ANO2: variants seen among roughly 807,000 people sequenced by gnomAD.
ANO2 encodes anoctamin 2.
ANO2 carries 101 observed loss-of-function variants against 124.2 expected under a neutral mutation model. The ratio of observed to expected loss-of-function variants is 0.81; its 90% CI spans 0.69 to 0.96. The LOEUF (loss-of-function observed/expected upper bound fraction) is 0.96. Among genes scored for constraint, ANO2 ranks in the 40% least tolerant of loss-of-function variants. The probability of loss-of-function intolerance (pLI) is 0.00; values close to 1 mark genes in which losing one functional copy is unlikely to be tolerated. For synonymous variants in ANO2, 486 were observed against 482.5 expected (o/e 1.01, Z -0.09); for missense variants, 1,293 against 1,274.5 (o/e 1.01, Z -0.22).
intron 10 of ANO2, among the ~76,000 whole-genome samples, chr12:5,764,299 G>A (rs1393840787): frequency 3.3e-5 from 5 of 152,208 alleles, no homozygotes; most frequent in Non-Finnish European, 7.3e-5. Flanking sequence ...TGTCAATACA[G>A]TAATAGCAGC....
At chr12:5,737,691 C>T (rs1473752757) in intron 13 of ANO2, among the ~76,000 whole-genome samples, 1 of 152,154 alleles carries the variant, frequency 6.6e-6, no homozygotes, top group Non-Finnish European at 1.5e-5. Flanking sequence ...CTCTGTCTCT[C>T]TCATATATAT....
intron 1 of ANO2, among the ~76,000 whole-genome samples, chr12:5,928,589 T>G (rs1282349521): frequency 6.7e-6 from 1 of 150,164 alleles, no homozygotes; most frequent in Non-Finnish European, 1.5e-5. Flanking sequence ...CCTTCCTTAC[T>G]AGTCTATCTT....
At chr12:5,799,672 C>T in intron 9 of ANO2, 101 bp from the exon 10 acceptor site, 1 of 1,075,320 alleles carries the variant, frequency 9.3e-7, no homozygotes, top group Non-Finnish European at 1.4e-6. Flanking sequence ...CAAAGTCCAG[C>T]TTCTAAGAAA....
chr12:5,790,523 T>C (rs1246280074), intron 10 of ANO2, among the ~76,000 whole-genome samples: 1 of 152,142 alleles, frequency 6.6e-6, no homozygotes, highest in East Asian at 1.9e-4. Context: ...CCCAACTATA[T>C]TTCTTCTCTC....
At chr12:5,820,554 CCT>C (rs996242898) in intron 7 of ANO2, among the ~76,000 whole-genome samples, 15 of 152,178 alleles carry the variant, frequency 9.9e-5, no homozygotes, top group African/African-American at 3.6e-4. Context: ...ACATCGGCTC[CCT>C]GACTGGTAGG....
chr12:5,854,073 T>C lies in ANO2; in HGVS notation c.603A>G (p.Glu201=). 6.2e-7 allele frequency: 1 copy of C among 1,613,492 alleles called. No homozygotes were observed. Among genetic ancestry groups the C allele is most frequent in the Non-Finnish European group, 8.5e-7 (1 of 1,179,594 alleles). The change falls in exon 4 of 25, where the codon GAA becomes GAG. Residue 201 remains glutamate, a synonymous_variant. Coordinates refer to ENST00000682330, the MANE Select transcript of ANO2 (RefSeq NM_001364791.2). Reference sequence around the variant, plus strand: ...TGGTAGGAACTTTGATCTTCAAGAATTCTGCCTCTCTGGCCAGCACCTGCC... The same window carrying C: ...TGGTAGGAACTTTGATCTTCAAGAACTCTGCCTCTCTGGCCAGCACCTGCC... ...APWQVLAREA[E]FLKIKVPTKK...
intron 14 of ANO2, among the ~76,000 whole-genome samples, chr12:5,695,669 C>T (rs912937659): frequency 2.0e-5 from 3 of 152,018 alleles, no homozygotes; most frequent in Non-Finnish European, 2.9e-5. Context: ...GGCAAAACCC[C>T]ATCTCTACTA....
chr12:5,628,548 T>C (rs1945528426), intron 16 of ANO2, among the ~76,000 whole-genome samples: 1 of 152,216 alleles, frequency 6.6e-6, no homozygotes, highest in Non-Finnish European at 1.5e-5. Flanking sequence ...GTGTCTTCAG[T>C]CTTCCTGTCT....
intron 4 of ANO2, among the ~76,000 whole-genome samples, chr12:5,837,896 A>G (rs1401805368): frequency 6.6e-6 from 1 of 151,850 alleles, no homozygotes; most frequent in Non-Finnish European, 1.5e-5. Context: ...GACACAAAAA[A>G]CCCTTCAAAA....
intron 19 of ANO2, among the ~76,000 whole-genome samples, chr12:5,603,394 T>C (rs1218535300): frequency 6.6e-6 from 1 of 152,190 alleles, no homozygotes; most frequent in Non-Finnish European, 1.5e-5. Flanking sequence ...TAACCTGGCC[T>C]AAGGCAGCGA....
At chr12:5,864,340 G>A (rs980651990) in intron 3 of ANO2, among the ~76,000 whole-genome samples, 7 of 152,254 alleles carry the variant, frequency 4.6e-5, no homozygotes, top group African/African-American at 1.7e-4. Context: ...GATGTTGGCA[G>A]AAAGAACAGG....
intron 15 of ANO2, among the ~76,000 whole-genome samples, chr12:5,639,295 G>A (rs1258629819): frequency 1.3e-5 from 2 of 152,096 alleles, no homozygotes; most frequent in Non-Finnish European, 1.5e-5. Flanking sequence ...GACATAGTAC[G>A]CTGCCTATGA....
At chr12:5,851,229 G>A (rs551798120) in intron 4 of ANO2, among the ~76,000 whole-genome samples, 3 of 152,222 alleles carry the variant, frequency 2.0e-5, no homozygotes, top group African/African-American at 7.2e-5. Context: ...AATGTATAGG[G>A]GCACTGAAAC....
At chr12:5,788,643 C>G (rs1952610049) in intron 10 of ANO2, among the ~76,000 whole-genome samples, 1 of 152,230 alleles carries the variant, frequency 6.6e-6, no homozygotes, top group South Asian at 2.1e-4. Flanking sequence ...ACTGCAACCT[C>G]TGCCTCCAGG....
In ANO2 at chr12:5,610,723, C is replaced by CATATATACATATATATATATATAT. The variant is rs1555100504; in HGVS notation, c.2087+1932_2087+1933insATATATATATATATATGTATATAT. On this transcript the variant is annotated intron_variant, in intron 19 of 24. Transcript: ENST00000682330. ...ATACATGTATGTGTACACATATATA[C>CATATATACATATATATATATATAT]ATATATATATATATATATATGAAAA... 4.5e-3 allele frequency among the ~76,000 whole-genome samples: 529 copies of CATATATACATATATATATATATAT among 116,848 alleles called. 21 individuals carry two copies. Among genetic ancestry groups the CATATATACATATATATATATATAT allele is most frequent in the South Asian group, 0.03 (119 of 3,936 alleles). The allele number at this position is 116,848 out of a possible 152,430, so 76.7% of individuals were successfully genotyped here.
intron 10 of ANO2, among the ~76,000 whole-genome samples, chr12:5,775,513 G>A (rs1467793486): frequency 6.7e-6 from 1 of 148,360 alleles, no homozygotes; most frequent in Non-Finnish European, 1.5e-5. Context: ...CCAGGCTGGA[G>A]TGCAGTGGCG....
At chr12:5,577,432 A>G (rs1942475704) in intron 22 of ANO2, among the ~76,000 whole-genome samples, 1 of 152,240 alleles carries the variant, frequency 6.6e-6, no homozygotes, top group Non-Finnish European at 1.5e-5. Flanking sequence ...TGCAGTGTAG[A>G]CATATCTGGC....
chr12:5,770,764 A>G (rs1487261341), intron 10 of ANO2, among the ~76,000 whole-genome samples: 1 of 152,140 alleles, frequency 6.6e-6, no homozygotes, highest in Non-Finnish European at 1.5e-5. Context: ...AAAACCCAAA[A>G]TACTTTTCAG....
At chr12:5,642,501 G>C (rs1591804628) in intron 15 of ANO2, among the ~76,000 whole-genome samples, 1 of 152,108 alleles carries the variant, frequency 6.6e-6, no homozygotes, top group Admixed American at 6.5e-5. Flanking sequence ...AATAGAACTA[G>C]CATCTGAACA....
Sources: gnomAD v4.1 joint callset for allele counts (sites outside exome capture counted in the v4.1 genomes callset) on GRCh38, gnomAD v4.1.1 for gene constraint, MANE v1.5 for transcripts, NCBI Gene and HGNC (gene_info 2026-07-23, HGNC 2026-07-21) for gene names.